The following SGCZ variants were observed in gnomAD, a reference collection of about 807,000 sequenced individuals.
The protein encoded by SGCZ is sarcoglycan zeta, also known as zeta-sarcoglycan.
Under a neutral mutation model 41.3 loss-of-function variants are expected in SGCZ, and 40 were observed. The ratio of observed to expected loss-of-function variants is 0.97; its 90% CI spans 0.75 to 1.26. SGCZ has a LOEUF of 1.26. Among genes scored for constraint, SGCZ ranks in the 50% most tolerant of loss-of-function variants. The probability of loss-of-function intolerance (pLI) is 0.00; values close to 1 mark genes in which losing one functional copy is unlikely to be tolerated. For synonymous variants in SGCZ, 206 were observed against 137.5 expected, an observed-to-expected ratio of 1.50 and a Z score of -3.49; for missense variants, 552 against 369.8, an observed-to-expected ratio of 1.49 and a Z score of -4.04.
At position 14,908,996 on chromosome 8, in the gene SGCZ, C is replaced by G. The variant is rs1190904562; in HGVS notation, c.39+328589G>C. Reference sequence around the variant, plus strand: ...TTATGTCATTATTTCTCTCCTAACACCTGGGACAATGCTTGACATAAAATC... The same window carrying G: ...TTATGTCATTATTTCTCTCCTAACAGCTGGGACAATGCTTGACATAAAATC... On this transcript the variant is annotated intron_variant, in intron 1 of 7. Coordinates refer to ENST00000382080, the MANE Select transcript of SGCZ (RefSeq NM_139167.4). Among the ~76,000 whole-genome samples, 5 of 152,078 alleles carry G rather than the reference C, an allele frequency of 3.3e-5. No homozygotes were observed. The East Asian group carries it at 7.7e-4, about 23-fold the overall frequency.
intron 1 of SGCZ, among the ~76,000 whole-genome samples, chr8:15,054,033 G>GTGATA (rs1312924072): frequency 3.9e-5 from 6 of 152,180 alleles, no homozygotes; most frequent in Admixed American, 1.3e-4. Context: ...TGGATGTGAT[G>GTGATA]TGCAGACAGT....
chr8:14,565,031 C>A (rs573720822), intron 1 of SGCZ, among the ~76,000 whole-genome samples: 7 of 151,846 alleles, frequency 4.6e-5, no homozygotes, highest in Non-Finnish European at 1.0e-4. Context: ...AACCTAGCAA[C>A]TGAATTTCAA....
chr8:15,087,873 C>T (rs1806006450), intron 1 of SGCZ, among the ~76,000 whole-genome samples: 2 of 152,108 alleles, frequency 1.3e-5, no homozygotes, highest in African/African-American at 4.8e-5. Context: ...GCATAGTATG[C>T]ATGTATTAAG....
At chr8:14,624,555 A>ATTATTTTTTTTTTTT (rs1438250019) in intron 1 of SGCZ, among the ~76,000 whole-genome samples, 1 of 96,264 alleles carries the variant, frequency 1.0e-5, no homozygotes, top group Non-Finnish European at 2.0e-5. Context: ...TATTATTATT[A>ATTATTTTTTTTTTTT]TTTTTTTTTT....
chr8:14,942,949 A>G (rs1369478151), intron 1 of SGCZ, among the ~76,000 whole-genome samples: 1 of 152,162 alleles, frequency 6.6e-6, no homozygotes, highest in Non-Finnish European at 1.5e-5. Flanking sequence ...TATTTAACAT[A>G]TGCACCATTA....
At chr8:14,692,453 A>C (rs1808829447) in intron 1 of SGCZ, among the ~76,000 whole-genome samples, 1 of 152,140 alleles carries the variant, frequency 6.6e-6, no homozygotes, top group Non-Finnish European at 1.5e-5. Flanking sequence ...ACTATAATAC[A>C]CTATCCACCA....
At chr8:15,080,559 G>A (rs963766385) in intron 1 of SGCZ, among the ~76,000 whole-genome samples, 1 of 152,018 alleles carries the variant, frequency 6.6e-6, no homozygotes, top group South Asian at 2.1e-4. Context: ...AAGGTCATTA[G>A]GGTGAGCCCT....
At chr8:14,906,448 C>A (rs1479941431) in intron 1 of SGCZ, among the ~76,000 whole-genome samples, 1 of 152,096 alleles carries the variant, frequency 6.6e-6, no homozygotes, top group East Asian at 1.9e-4. Context: ...CTGGAAAATT[C>A]TCAACTTCTG....
intron 1 of SGCZ, among the ~76,000 whole-genome samples, chr8:15,179,632 T>C (rs943324183): frequency 3.9e-5 from 6 of 152,174 alleles, no homozygotes; most frequent in African/African-American, 1.4e-4. Flanking sequence ...GTCATCAGTT[T>C]TGGAAATAAT....
At chr8:14,230,338 A>T (rs1302675951) in intron 4 of SGCZ, among the ~76,000 whole-genome samples, 2 of 152,118 alleles carry the variant, frequency 1.3e-5, no homozygotes, top group African/African-American at 4.8e-5. Flanking sequence ...AAAAATCACA[A>T]TCACTAACTT....
intron 1 of SGCZ, among the ~76,000 whole-genome samples, chr8:14,686,313 T>C (rs544119457): frequency 1.2e-4 from 19 of 152,088 alleles, no homozygotes; most frequent in African/African-American, 4.3e-4. Flanking sequence ...ATTTGAAATA[T>C]ACAATATAGT....
At chr8:14,546,488 G>A (rs1803631959) in intron 2 of SGCZ, among the ~76,000 whole-genome samples, 1 of 152,122 alleles carries the variant, frequency 6.6e-6, no homozygotes, top group African/African-American at 2.4e-5. Context: ...TTATAAAGGT[G>A]CCATTAATAA....
At chr8:14,532,237 C>A (rs2117128135) in intron 2 of SGCZ, among the ~76,000 whole-genome samples, 1 of 136,152 alleles carries the variant, frequency 7.3e-6, no homozygotes, top group Admixed American at 7.6e-5. Flanking sequence ...ATTTGAGCCC[C>A]AGAATCTGAA....
intron 2 of SGCZ, among the ~76,000 whole-genome samples, chr8:14,550,339 A>G (rs1433297864): frequency 6.7e-6 from 1 of 149,262 alleles, no homozygotes; most frequent in Non-Finnish European, 1.5e-5. Context: ...CATTTATTTT[A>G]TATAAATTAT....
intron 1 of SGCZ, among the ~76,000 whole-genome samples, chr8:14,614,674 T>G (rs944347151): frequency 1.3e-5 from 2 of 152,078 alleles, no homozygotes; most frequent in African/African-American, 4.8e-5. Flanking sequence ...GTTAGAAAAT[T>G]TTTTAAAAGA....
chr8:14,945,186 G>C (rs1423158171), intron 1 of SGCZ, among the ~76,000 whole-genome samples: 3 of 151,710 alleles, frequency 2.0e-5, no homozygotes, highest in African/African-American at 7.3e-5. Context: ...GGCGGGGACA[G>C]AGTAATCCTT....
intron 2 of SGCZ, among the ~76,000 whole-genome samples, chr8:14,477,603 A>G (rs903668823): frequency 2.0e-5 from 3 of 152,186 alleles, no homozygotes; most frequent in Non-Finnish European, 4.4e-5. Context: ...CAATATATAC[A>G]AAAGGTTAAT....
intron 4 of SGCZ, among the ~76,000 whole-genome samples, chr8:14,225,845 A>T (rs1433331827): frequency 2.0e-5 from 3 of 152,122 alleles, no homozygotes; most frequent in African/African-American, 7.2e-5. Flanking sequence ...TAAATCAATA[A>T]GAAGGCTTGA....
At chr8:14,630,212 A>C (rs1436395938) in intron 1 of SGCZ, among the ~76,000 whole-genome samples, 8 of 143,150 alleles carry the variant, frequency 5.6e-5, no homozygotes, top group Admixed American at 4.8e-4. Flanking sequence ...AAATTCATCA[A>C]AGTTATTTTT....
Sources: allele counts gnomAD v4.1 joint callset (sites outside exome capture counted in the v4.1 genomes callset), GRCh38; gene constraint gnomAD v4.1.1; transcripts MANE v1.5; gene names NCBI Gene and HGNC (gene_info 2026-07-23, HGNC 2026-07-21).